The following QTRT1 variants were observed in gnomAD, a reference collection of about 807,000 sequenced individuals.
The protein encoded by QTRT1 is queuine tRNA-ribosyltransferase catalytic subunit 1.
Under a neutral mutation model 44.0 loss-of-function variants are expected in QTRT1, and 41 were observed. The ratio of observed to expected loss-of-function variants is 0.93; its 90% CI spans 0.73 to 1.21. The LOEUF is 1.21. Ranked by LOEUF, QTRT1 falls within the 50% of genes most tolerant of loss-of-function variation. QTRT1 has a pLI of 0.00. For missense variants in QTRT1, 542 were observed against 575.8 expected (o/e 0.94, Z 0.60); for synonymous variants, 226 against 237.1 (o/e 0.95, Z 0.43).
chr19:10,712,183 T>A lies in QTRT1; in HGVS notation c.669T>A (p.Pro223=). The change falls in exon 6 of 10, where the codon CCT becomes CCA. Residue 223 remains proline (P), a synonymous_variant. Transcript: ENST00000250237. The surrounding 1 kb of genome is among the most constrained non-coding windows in gnomAD (Gnocchi z 5.6). ...CAGAGATGACCAAGCGAGACGTGCC[T>A]GGCTTCGCCATCGGGGGCCTGAGCG... The part of the protein sequence containing the change: ...CLEEMTKRDV[P]GFAIGGLSGG... The A allele has an allele frequency of 6.2e-7, 1 of 1,613,400 alleles. No individual in the cohort carries two copies. Among genetic ancestry groups the A allele is most frequent in the Non-Finnish European group, 8.5e-7 (1 of 1,180,036 alleles).
intron 3 of QTRT1, among the ~76,000 whole-genome samples, chr19:10,704,733 A>G (rs1452082697): frequency 6.7e-6 from 1 of 150,084 alleles, no homozygotes; most frequent in Non-Finnish European, 1.5e-5. Context: ...GATGACAGGC[A>G]TGCGCCACCA....
rs560154608 is a variant in QTRT1 at position 10,708,125 on chromosome 19, C to T, written c.646+510C>T. Among the ~76,000 whole-genome samples, 323 of 151,446 alleles carry T rather than the reference C, an allele frequency of 2.1e-3. 5 individuals carry two copies. Among genetic ancestry groups the T allele is most frequent in the African/African-American group, 7.5e-3 (309 of 41,272 alleles). ...GACTACAGGCACCCGCCACCAGGCC[C>T]GGCTAATTTTTGTATTTTTAGTAGA... is the stretch of plus-strand genomic sequence containing the variant. On this transcript the variant is annotated intron_variant, in intron 5 of 9. Transcript: ENST00000250237.
rs761112369 is a variant in QTRT1 at position 10,702,268 on chromosome 19, G to A, written c.451+14G>A. 1 of 1,612,548 alleles carries A rather than the reference G, an allele frequency of 6.2e-7. No individual in the cohort carries two copies. The highest frequency in any genetic ancestry group is 1.1e-5 in the South Asian group (1 of 91,024). On this transcript the variant is annotated intron_variant, in intron 3 of 9. Transcript: ENST00000250237. ...AGAATGCGCTGGGTGAGAGGACCCTGGGGAGCCGCCTCCTTACCCTGTCTG... is the reference window on the plus strand; with the variant it reads ...AGAATGCGCTGGGTGAGAGGACCCTAGGGAGCCGCCTCCTTACCCTGTCTG...
At chr19:10,707,463 C>T (rs2068719246) in intron 4 of QTRT1, 37 bp from the exon 5 acceptor site, 2 of 1,607,988 alleles carry the variant, frequency 1.2e-6, no homozygotes, top group South Asian at 1.1e-5. Context: ...ACCCCCTCAC[C>T]AGGCCCCTGG....
chr19:10,707,204 G>C, intron 3 of QTRT1, 98 bp from the exon 4 acceptor site: 1 of 1,188,900 alleles, frequency 8.4e-7, no homozygotes, highest in Non-Finnish European at 1.3e-6. Context: ...GGGATGGGGG[G>C]ATGCTCTTGG....
At chr19:10,710,043 A>G (rs1424269021) in intron 5 of QTRT1, among the ~76,000 whole-genome samples, 1 of 151,920 alleles carries the variant, frequency 6.6e-6, no homozygotes, top group African/African-American at 2.4e-5. Context: ...TTAGCACGCA[A>G]GCATGGGAGT....
In QTRT1 at chr19:10,712,526, C is replaced by T. The variant is rs778823699; in HGVS notation, c.786-27C>T. On this transcript the variant is annotated intron_variant, in intron 6 of 9. Transcript: ENST00000250237. This position sits in a 1 kb window ranked among gnomAD's most constrained non-coding sequence, Gnocchi z 5.6. ...CTGGGAAGCCCCTGAGGTTCTCTGC[C>T]CCCTCCCGTCATGGCTGCAACCCCA... The T allele has an allele frequency of 4.4e-6, 7 of 1,604,506 alleles. No homozygotes were observed. The African/African-American group carries it at 8.0e-5, about 18-fold the overall frequency.
At position 10,712,162 on chromosome 19, in the gene QTRT1, G is replaced by A; in HGVS notation, c.648G>A (p.Glu216=). The A allele has an allele frequency of 6.2e-7, 1 of 1,612,578 alleles. No homozygotes were observed. The highest frequency in any genetic ancestry group is 8.5e-7 in the Non-Finnish European group (1 of 1,180,046). Reference sequence around the variant, plus strand: ...CCTCACCTTACCCTGTACCCTCAGAGATGACCAAGCGAGACGTGCCTGGCT... The same window carrying A: ...CCTCACCTTACCCTGTACCCTCAGAAATGACCAAGCGAGACGTGCCTGGCT... ...DADLRATCLE[E]MTKRDVPGFA... is the part of the protein sequence containing the mutation. Residue 216 remains glutamate (E), a splice_region_variant and synonymous_variant, in exon 6 of 10, where the codon GAG becomes GAA. Coordinates refer to ENST00000250237, the MANE Select transcript of QTRT1 (RefSeq NM_031209.3). This position sits in a 1 kb window ranked among gnomAD's most constrained non-coding sequence, Gnocchi z 5.6.
At chr19:10,710,498 G>T (rs548775272) in intron 5 of QTRT1, among the ~76,000 whole-genome samples, 38 of 152,142 alleles carry the variant, frequency 2.5e-4, no homozygotes, top group African/African-American at 8.7e-4. Flanking sequence ...TGTATTTTTA[G>T]TAGGGATGGG....
At chr19:10,711,858 G>A (rs2068740084) in intron 5 of QTRT1, 1 of 499,430 alleles carries the variant, frequency 2.0e-6, no homozygotes, top group African/African-American at 1.9e-5. Context: ...TTCAGCTAAG[G>A]GACTGTGGGC....
chr19:10,702,186 G>A lies in QTRT1; in HGVS notation c.383G>A (p.Arg128His). 2 of 1,614,102 alleles carry A rather than the reference G, an allele frequency of 1.2e-6. No homozygotes were observed. The highest frequency in any genetic ancestry group is 8.5e-7 in the Non-Finnish European group (1 of 1,180,016). Residue 128 changes from arginine (R) to histidine (H), a missense_variant, in exon 3 of 10, where the codon CGC becomes CAC. Transcript: ENST00000250237. ...SEVTEEGVRFRSPYDGNETLL... is the reference protein window; with the variant it reads ...SEVTEEGVRFHSPYDGNETLL... ...GTGACGGAGGAGGGCGTCCGCTTCC[G>A]CTCCCCCTACGACGGCAATGAGACC... is the stretch of plus-strand genomic sequence containing the variant.
intron 1 of QTRT1, 93 bp from the exon 2 acceptor site, chr19:10,701,857 C>T: frequency 1.3e-6 from 2 of 1,574,040 alleles, no homozygotes; most frequent in Non-Finnish European, 1.7e-6. Context: ...CGTGAAAGAG[C>T]AGCAGGGACT....
chr19:10,703,194 C>G (rs1353927513), intron 3 of QTRT1, among the ~76,000 whole-genome samples: 1 of 150,866 alleles, frequency 6.6e-6, no homozygotes, highest in Non-Finnish European at 1.5e-5. Flanking sequence ...TGCTGAGTAG[C>G]TGGGATTACA....
rs184297648 is a variant in QTRT1 at position 10,701,542 on chromosome 19, G to A, written c.82G>A (p.Ala28Thr). Residue 28 changes from alanine to threonine, a missense_variant, in exon 1 of 10, where the codon GCC becomes ACC. By Grantham distance (58) the Ala-to-Thr change is moderately conservative. Coordinates refer to ENST00000250237, the MANE Select transcript of QTRT1 (RefSeq NM_031209.3). Reference sequence around the variant, plus strand: ...GGTGGCCGAATGCAGCCGCTCCAGGGCCCGGGCAGGCGAGCTGTGGCTGCC... The same window carrying A: ...GGTGGCCGAATGCAGCCGCTCCAGGACCCGGGCAGGCGAGCTGTGGCTGCC... ...RLVAECSRSR[A>T]RAGELWLPHG... 1.2e-6 allele frequency: 2 copies of A among 1,602,790 alleles called. No individual in the cohort carries two copies. The highest frequency in any genetic ancestry group is 1.7e-5 in the Admixed American group (1 of 59,420).
chr19:10,707,578 T>A lies in QTRT1; in HGVS notation c.609T>A (p.Gly203=), dbSNP rs1477727578. 20 of 1,610,940 alleles carry A rather than the reference T, an allele frequency of 1.2e-5. No homozygotes were observed. The highest frequency in any genetic ancestry group is 1.7e-5 in the Non-Finnish European group (20 of 1,178,736). Residue 203 remains glycine (G), a synonymous_variant, in exon 5 of 10, where the codon GGT becomes GGA. Transcript: ENST00000250237. ...AGAACCTCTTCGCCATTATCCAGGGTGGGCTGGACGCAGATCTCCGGGCCA... is the reference window on the plus strand; with the variant it reads ...AGAACCTCTTCGCCATTATCCAGGGAGGGCTGGACGCAGATCTCCGGGCCA... ...DKQNLFAIIQ[G]GLDADLRATC...
Position 10,712,657 on chromosome 19 carries a change from C to A in QTRT1, c.861+29C>A. 1 of 1,531,164 alleles carries A rather than the reference C, an allele frequency of 6.5e-7. No homozygotes were observed. The highest frequency in any genetic ancestry group is 8.9e-7 in the Non-Finnish European group (1 of 1,128,772). 94.8% of individuals were successfully genotyped at this position (1,531,164 alleles called of 1,614,324 possible). ...AGGCTCTGGCAGAAGGAGGTCAGGG[C>A]GGGAGACGGGTGGGGGACTAGGGAG... is the stretch of plus-strand genomic sequence containing the variant. On this transcript the variant is annotated intron_variant, in intron 7 of 9. Coordinates refer to ENST00000250237, the MANE Select transcript of QTRT1 (RefSeq NM_031209.3). The surrounding 1 kb of genome is among the most constrained non-coding windows in gnomAD (Gnocchi z 5.6).
At position 10,712,259 on chromosome 19, in the gene QTRT1, C is replaced by T. The variant is rs374828333; in HGVS notation, c.745C>T (p.Arg249Trp). The change falls in exon 6 of 10, where the codon CGG (arginine) becomes TGG (tryptophan). Residue 249 changes from arginine (R) to tryptophan (W), a missense_variant. Physicochemically the swap from Arg to Trp is moderately radical, Grantham distance 101. Coordinates refer to ENST00000250237, the MANE Select transcript of QTRT1 (RefSeq NM_031209.3). This position sits in a 1 kb window ranked among gnomAD's most constrained non-coding sequence, Gnocchi z 5.6. ...GCGGATGGTGGCGCTGAGCACCTCT[C>T]GGCTGCCGAAGGACAAGCCCCGATA... ...FWRMVALSTS[R>W]LPKDKPRYLM... is the part of the protein sequence containing the mutation. The T allele has an allele frequency of 7.6e-5, 123 of 1,613,816 alleles. No individual in the cohort carries two copies. Among genetic ancestry groups the T allele is most frequent in the Non-Finnish European group, 1.0e-4 (119 of 1,179,978 alleles).
At chr19:10,705,997 G>T (rs1397426184) in intron 3 of QTRT1, among the ~76,000 whole-genome samples, 1 of 151,472 alleles carries the variant, frequency 6.6e-6, no homozygotes, top group Non-Finnish European at 1.5e-5. Context: ...TGGGACTACA[G>T]GTGACCGCCA....
At chr19:10,705,017 GCTATT>G (rs1369738999) in intron 3 of QTRT1, among the ~76,000 whole-genome samples, 1 of 151,016 alleles carries the variant, frequency 6.6e-6, no homozygotes, top group Non-Finnish European at 1.5e-5. Context: ...CCGGGTTTAA[GCTATT>G]CTCCTGCCTC....
Sources: allele counts gnomAD v4.1 joint callset (sites outside exome capture counted in the v4.1 genomes callset), GRCh38; gene constraint gnomAD v4.1.1; non-coding constraint Gnocchi (gnomAD v3.1); transcripts MANE v1.5; gene names NCBI Gene and HGNC (gene_info 2026-07-23, HGNC 2026-07-21).